PSD3: variants seen among roughly 807,000 people sequenced by gnomAD.
PSD3 encodes the protein pleckstrin and Sec7 domain containing 3.
PSD3 carries 49 observed loss-of-function variants against 105.5 expected under a neutral mutation model. The observed-to-expected ratio is 0.46, with a 90% CI of 0.37 to 0.59. The LOEUF (loss-of-function observed/expected upper bound fraction) is 0.59. PSD3 is among the 20% of genes least tolerant of loss of function. PSD3 has a pLI of 0.00. For synonymous variants in PSD3, 557 were observed against 457.8 expected, an observed-to-expected ratio of 1.22 and a Z score of -2.77; for missense variants, 1,561 against 1,263.8, an observed-to-expected ratio of 1.24 and a Z score of -3.57.
intron 8 of PSD3, among the ~76,000 whole-genome samples, chr8:18,768,116 CAAAAAAAA>C (rs774203727): frequency 2.1e-5 from 2 of 97,346 alleles, no homozygotes; most frequent in African/African-American, 4.2e-5. Context: ...ACTGAAAATA[CAAAAAAAA>C]AAAAAAAAAA....
chr8:18,780,111 G>A (rs1808465107), intron 8 of PSD3, among the ~76,000 whole-genome samples: 1 of 152,064 alleles, frequency 6.6e-6, no homozygotes, highest in African/African-American at 2.4e-5. Flanking sequence ...TCCAGTGTTG[G>A]GCGCACAAAT....
intron 2 of PSD3, chr8:18,924,477 A>C (rs1162006804): frequency 6.6e-6 from 1 of 152,232 alleles, no homozygotes. Context: ...CAAAATTATA[A>C]ACCAACTTCT....
chr8:18,729,543 TA>T (rs1803575160), intron 9 of PSD3, among the ~76,000 whole-genome samples: 1 of 152,108 alleles, frequency 6.6e-6, no homozygotes, highest in South Asian at 2.1e-4. Context: ...ATAAAACGAA[TA>T]AACAAAAGTC....
intron 9 of PSD3, among the ~76,000 whole-genome samples, chr8:18,745,997 C>T (rs1307323881): frequency 6.6e-6 from 1 of 152,172 alleles, no homozygotes; most frequent in Non-Finnish European, 1.5e-5. Context: ...GAGGCAGGTC[C>T]CCTGCAAAAT....
At chr8:18,969,475 G>A (rs753780804) in intron 1 of PSD3, among the ~76,000 whole-genome samples, 1 of 152,202 alleles carries the variant, frequency 6.6e-6, no homozygotes, top group Non-Finnish European at 1.5e-5. Flanking sequence ...TGTAATGACA[G>A]ACAATGTATG....
chr8:18,699,825 G>A (rs184276414), intron 9 of PSD3, among the ~76,000 whole-genome samples: 7 of 150,976 alleles, frequency 4.6e-5, no homozygotes, highest in African/African-American at 9.7e-5. Context: ...AGGGTTTTTC[G>A]CAGTAACACA....
chr8:18,778,648 T>A (rs1808318363), intron 8 of PSD3, among the ~76,000 whole-genome samples: 1 of 151,950 alleles, frequency 6.6e-6, no homozygotes, highest in South Asian at 2.1e-4. Context: ...TGAGTTTTTT[T>A]ATTATGAAGG....
intron 1 of PSD3, among the ~76,000 whole-genome samples, chr8:19,022,864 C>CTTT (rs5889843): frequency 2.8e-5 from 4 of 143,692 alleles, no homozygotes; most frequent in African/African-American, 5.1e-5. Context: ...TCTCAGGACC[C>CTTT]TTTTTTTTTT....
chr8:18,820,000 C>T (rs1351842498), intron 4 of PSD3, among the ~76,000 whole-genome samples: 1 of 152,124 alleles, frequency 6.6e-6, no homozygotes, highest in African/African-American at 2.4e-5. Flanking sequence ...TTGATGTTTA[C>T]AGTGTCTTCA....
intron 9 of PSD3, among the ~76,000 whole-genome samples, chr8:18,690,992 T>C (rs540026757): frequency 1.2e-3 from 177 of 151,628 alleles, no homozygotes; most frequent in African/African-American, 4.1e-3. Flanking sequence ...CTATAAGAAT[T>C]GGCGGTTAGG....
At chr8:18,849,883 T>A (rs948734809) in intron 4 of PSD3, among the ~76,000 whole-genome samples, 1 of 152,244 alleles carries the variant, frequency 6.6e-6, no homozygotes, top group Admixed American at 6.5e-5. Context: ...AGGGACTTGC[T>A]AGATGCACAA....
chr8:18,661,896 T>A lies in PSD3; in HGVS notation c.2173-6211A>T, dbSNP rs77838878. Among the ~76,000 whole-genome samples the A allele has an allele frequency of 4.8e-3, 738 of 152,300 alleles. 19 individuals carry two copies. The highest frequency in any genetic ancestry group is 0.038 in the East Asian group (198 of 5,190). ...CTGGACAGTTTTCACATGCCCAAGT[T>A]TAAAGAGCGCCACATTAGAGAATGT... On this transcript the variant is annotated intron_variant, in intron 9 of 15. Coordinates refer to ENST00000327040, the MANE Select transcript of PSD3 (RefSeq NM_015310.4).
intron 6 of PSD3, among the ~76,000 whole-genome samples, chr8:18,801,731 G>A (rs939578421): frequency 1.3e-5 from 2 of 152,116 alleles, no homozygotes; most frequent in Non-Finnish European, 2.9e-5. Context: ...TCAGGAAGCT[G>A]AGGCAGGAAT....
In PSD3 at chr8:19,083,618, G is replaced by A. The variant is rs148242296; in HGVS notation, c.324+588C>T. 4.0e-3 allele frequency among the ~76,000 whole-genome samples: 612 copies of A among 152,302 alleles called. 3 individuals carry two copies. Among genetic ancestry groups the A allele is most frequent in the African/African-American group, 0.014 (584 of 41,564 alleles). On this transcript the variant is annotated intron_variant, in intron 1 of 1. Transcript: ENST00000521475. ...GTCAGGTGTTCATGGATGACAGTAG[G>A]GTGTGGCTGAGTTCCAAGGCTGTGC...
intron 9 of PSD3, among the ~76,000 whole-genome samples, chr8:18,691,414 T>C (rs117305878): frequency 6.6e-5 from 10 of 152,310 alleles, no homozygotes; most frequent in Non-Finnish European, 1.3e-4. Flanking sequence ...AGCTCAGACC[T>C]TTCCAACCAT....
chr8:18,783,855 G>A (rs1002862847), intron 8 of PSD3, among the ~76,000 whole-genome samples: 3 of 152,128 alleles, frequency 2.0e-5, no homozygotes, highest in Non-Finnish European at 4.4e-5. Flanking sequence ...GGCTGGTCTC[G>A]AACTCCTGAC....
intron 14 of PSD3, among the ~76,000 whole-genome samples, chr8:18,567,932 C>T (rs62492910): frequency 6.6e-6 from 1 of 152,192 alleles, no homozygotes; most frequent in African/African-American, 2.4e-5. Context: ...TCATGAATGG[C>T]TTGATGCCAC....
At chr8:18,796,173 C>G (rs1262019469) in intron 8 of PSD3, among the ~76,000 whole-genome samples, 1 of 147,642 alleles carries the variant, frequency 6.8e-6, no homozygotes, top group Non-Finnish European at 1.5e-5. Flanking sequence ...ATTCTCCCCC[C>G]AAATATTGTA....
At chr8:19,083,720 G>C (rs1586707564) in intron 1 of PSD3, among the ~76,000 whole-genome samples, 1 of 152,172 alleles carries the variant, frequency 6.6e-6, no homozygotes, top group African/African-American at 2.4e-5. Context: ...AACAAGCTTT[G>C]CTTTTGCCCT....
Sources: allele counts gnomAD v4.1 joint callset (sites outside exome capture counted in the v4.1 genomes callset), GRCh38; gene constraint gnomAD v4.1.1; transcripts MANE v1.5; gene names NCBI Gene and HGNC (gene_info 2026-07-23, HGNC 2026-07-21).